ZMYM6: variants seen among roughly 807,000 people sequenced by gnomAD.
The protein encoded by ZMYM6 is zinc finger MYM-type protein 6.
A neutral mutation model predicts 134.0 loss-of-function variants in ZMYM6; 90 were observed. The observed-to-expected ratio is 0.67, with a 90% CI of 0.57 to 0.80. The LOEUF is 0.80. Among genes scored for constraint, ZMYM6 ranks in the 30% least tolerant of loss-of-function variants. The pLI is 0.00. For synonymous variants in ZMYM6, 481 were observed against 524.1 expected, an observed-to-expected ratio of 0.92 and a Z score of 1.12; for missense variants, 1,362 against 1,533.9, an observed-to-expected ratio of 0.89 and a Z score of 1.87.
intron 4 of ZMYM6, among the ~76,000 whole-genome samples, chr1:35,017,005 A>C (rs1048186926): frequency 8.4e-5 from 12 of 143,396 alleles, no homozygotes; most frequent in African/African-American, 3.0e-4. Context: ...ACCGTGTCTC[A>C]AAAAAAAAAA....
Position 34,997,555 on chromosome 1 carries a change from T to C in ZMYM6, c.1993-5168A>G, listed in dbSNP as rs533409767. On this transcript the variant is annotated intron_variant, in intron 14 of 15. Coordinates refer to ENST00000357182, the MANE Select transcript of ZMYM6 (RefSeq NM_007167.4). ...CCTGCCCTTAAGAGATTTGCCCACC[T>C]CGGCCTCCCAAAGTGTTGGGATTAC... 1.7e-3 allele frequency among the ~76,000 whole-genome samples: 262 copies of C among 152,270 alleles called. 1 individual carries two copies. Among genetic ancestry groups the C allele is most frequent in the South Asian group, 8.7e-3 (42 of 4,814 alleles).
intron 2 of ZMYM6, 101 bp from the exon 3 acceptor site, chr1:35,020,568 CTTT>C (rs942213398): frequency 0.01 from 2,443 of 240,556 alleles, no homozygotes; most frequent in South Asian, 0.025. Context: ...TATTCATCTC[CTTT>C]TTTTTTTTTT....
intron 2 of ZMYM6, among the ~76,000 whole-genome samples, chr1:35,028,531 A>G (rs529193745): frequency 2.2e-4 from 33 of 150,812 alleles, no homozygotes; most frequent in African/African-American, 7.8e-4. Context: ...ACGGAGTCTC[A>G]CTCTGTCACC....
In ZMYM6 at chr1:35,005,245, A is replaced by G; in HGVS notation, c.1841T>C (p.Val614Ala). 3 of 1,614,128 alleles carry G rather than the reference A, an allele frequency of 1.9e-6. No homozygotes were observed. The highest frequency in any genetic ancestry group is 2.5e-6 in the Non-Finnish European group (3 of 1,180,002). Reference sequence around the variant, plus strand: ...TGTCCTTGCAGAAGGGAGCTCCGTCACAGCAGTTTTTGCTTTAGAAATATT... The same window carrying G: ...TGTCCTTGCAGAAGGGAGCTCCGTCGCAGCAGTTTTTGCTTTAGAAATATT... ...KVNISKAKTA[V>A]TELPSARTDT... Residue 614 changes from valine (V) to alanine (A), a missense_variant, in exon 13 of 16, where the codon GTG (valine) becomes GCG (alanine). By Grantham distance (64) the Val-to-Ala change is moderately conservative. Transcript: ENST00000357182.
At position 35,018,370 on chromosome 1, in the gene ZMYM6, G is replaced by A. The variant is rs1641243415; in HGVS notation, c.428+983C>T. On this transcript the variant is annotated intron_variant, in intron 4 of 15. Transcript: ENST00000357182. ...TTACTTGGAAATTTCCATATAGCAG[G>A]ATCTACTTTTAAATAGTTTAAGTCA... The A allele has an allele frequency of 2.0e-5, 3 of 151,740 alleles. No individual in the cohort carries two copies. The South Asian group carries it at 6.2e-4, about 31-fold the overall frequency. The allele number at this position is 151,740 out of a possible 1,614,324, so 9.4% of individuals were successfully genotyped here. A position where few individuals can be genotyped will look rare whatever the true frequency, so the allele number is the denominator to read the frequency against.
intron 14 of ZMYM6, among the ~76,000 whole-genome samples, chr1:34,997,975 T>A (rs985974405): frequency 1.3e-5 from 2 of 152,128 alleles, no homozygotes; most frequent in African/African-American, 4.8e-5. Context: ...ATTACTAAAT[T>A]CCCACATTTT....
intron 13 of ZMYM6, among the ~76,000 whole-genome samples, chr1:35,004,596 A>G (rs58406450): frequency 0.24 from 35,858 of 151,440 alleles, 10,389 homozygotes; most frequent in African/African-American, 0.68. Context: ...GTGACACAGT[A>G]AGACTCCGTC....
rs1311580502 is a variant in ZMYM6, at chr1:35,007,051, G to A, written c.1713C>T (p.Ser571=). The A allele has an allele frequency of 6.2e-7, 1 of 1,611,154 alleles. No homozygotes were observed. Among genetic ancestry groups the A allele is most frequent in the Admixed American group, 1.7e-5 (1 of 59,598 alleles). ...GCKRQGKLSE[S]IKWRGNIKHF... ...GTTTAATGTTGCCTCGCCACTTTAT[G>A]GACTCGCTTAGTTTACCCTGTCGTT... The change falls in exon 12 of 16, where the codon TCC becomes TCT. Residue 571 remains serine (S), a synonymous_variant. Coordinates refer to ENST00000357182, the MANE Select transcript of ZMYM6 (RefSeq NM_007167.4).
At position 35,011,905 on chromosome 1, in the gene ZMYM6, A is replaced by G; in HGVS notation, c.1047T>C (p.Cys349=). The stretch of plus-strand genomic sequence containing the variant: ...TAGATCATACCTGGAAAGCAACCAC[A>G]CAACTGGAGCTGCAGAAGCTGTATA... ...GTIYSFCSSS[C]VVAFQNVFSK... Residue 349 remains cysteine, a synonymous_variant, in exon 8 of 16, where the codon TGT becomes TGC. Coordinates refer to ENST00000357182, the MANE Select transcript of ZMYM6 (RefSeq NM_007167.4). The G allele has an allele frequency of 6.2e-7, 1 of 1,602,054 alleles. No homozygotes were observed.
Position 34,987,642 on chromosome 1 carries a change from A to C in ZMYM6, c.3440T>G (p.Phe1147Cys). 3 of 1,574,678 alleles carry C rather than the reference A, an allele frequency of 1.9e-6. No homozygotes were observed. The highest frequency in any genetic ancestry group is 2.6e-6 in the Non-Finnish European group (3 of 1,158,874). Reference protein sequence around the residue: ...FFNLCNKIDVFKRKLKMWLKR... With the variant: ...FFNLCNKIDVCKRKLKMWLKR... ...CAACCACATTTTTAACTTTCTCTTA[A>C]ATACATCAATTTTATTACACAAATT... The change falls in exon 16 of 16, where the codon TTT becomes TGT. Residue 1147 changes from phenylalanine to cysteine, a missense_variant. Transcript: ENST00000357182.
chr1:35,030,590 T>G lies in ZMYM6; in HGVS notation c.50A>C (p.Gln17Pro). ...GECGKAVVPQQELLDKIKEEP... is the reference protein window; with the variant it reads ...GECGKAVVPQPELLDKIKEEP... Reference sequence around the variant, plus strand: ...TTCTTTAATTTTGTCCAGAAGCTCCTGCTGTGGTACCACTGCTTTGCCACA... The same window carrying G: ...TTCTTTAATTTTGTCCAGAAGCTCCGGCTGTGGTACCACTGCTTTGCCACA... The change falls in exon 2 of 16, where the codon CAG (glutamine) becomes CCG (proline). Residue 17 changes from glutamine to proline, a missense_variant. By Grantham distance (76) the Gln-to-Pro change is moderately conservative. Around this residue, in one of 3 missense-constraint regions of ZMYM6, gnomAD observed 503 missense variants for 520.8 expected, o/e 0.97. Coordinates refer to ENST00000357182, the MANE Select transcript of ZMYM6 (RefSeq NM_007167.4). The G allele has an allele frequency of 6.2e-7, 1 of 1,613,710 alleles. No individual in the cohort carries two copies. Among genetic ancestry groups the G allele is most frequent in the East Asian group, 2.2e-5 (1 of 44,884 alleles).
intron 15 of ZMYM6, chr1:34,989,284 T>C (rs1384466242): frequency 1.0e-6 from 1 of 1,003,842 alleles, no homozygotes; most frequent in East Asian, 1.1e-4. Context: ...ACACCTATAA[T>C]CCCAGTGCTT....
chr1:35,015,743 A>AAT (rs35800399), intron 4 of ZMYM6, among the ~76,000 whole-genome samples: 1,126 of 106,198 alleles, frequency 0.011, 18 homozygotes, highest in Admixed American at 0.012. Flanking sequence ...AAAAAAAAAA[A>AAT]ATATATATAT....
At chr1:35,004,058 A>G (rs1363941021) in intron 13 of ZMYM6, 53 bp from the exon 14 acceptor site, 4 of 1,480,192 alleles carry the variant, frequency 2.7e-6, no homozygotes, top group Non-Finnish European at 3.7e-6. Flanking sequence ...AGAAGTAAAC[A>G]CTGAAATCAA....
rs747226599 is a variant in ZMYM6 at position 35,010,818 on chromosome 1, T to A, written c.1281A>T (p.Lys427Asn). 3.8e-5 allele frequency: 61 copies of A among 1,604,324 alleles called. No individual in the cohort carries two copies. Among genetic ancestry groups the A allele is most frequent in the Non-Finnish European group, 5.0e-5 (59 of 1,176,980 alleles). ...GATGGTTACAGTGCTGACACTTGAG[T>A]TTAACAACTGTATGGGTTAAAGCAA... ...QQVALTHTVV[K>N]LKCQHCNHLF... The change falls in exon 9 of 16, where the codon AAA (lysine) becomes AAT (asparagine). Residue 427 changes from lysine (K) to asparagine (N), a missense_variant. Lys to Asn is a moderately conservative substitution (Grantham distance 94, BLOSUM62 0). This residue lies in a region of ZMYM6 where 503 missense variants were observed against 520.8 expected (regional missense o/e 0.97). Transcript: ENST00000357182.
intron 2 of ZMYM6, among the ~76,000 whole-genome samples, chr1:35,026,329 T>C (rs1641414995): frequency 6.6e-6 from 1 of 152,200 alleles, no homozygotes; most frequent in African/African-American, 2.4e-5. Context: ...CCTTCAACTA[T>C]AATTTTAATA....
Position 34,992,479 on chromosome 1 carries a change from T to C in ZMYM6, c.1993-92A>G, listed in dbSNP as rs1640694790. 8 of 1,339,916 alleles carry C rather than the reference T, an allele frequency of 6.0e-6. No individual in the cohort carries two copies. The East Asian group carries it at 2.0e-4, about 33-fold the overall frequency. The allele number at this position is 1,339,916 out of a possible 1,614,324, so 83.0% of individuals were successfully genotyped here. ...GCTATCAATTGAAAGTTCATATACATCAAGAGAAATATAATTCCTCTGAAA... is the reference window on the plus strand; with the variant it reads ...GCTATCAATTGAAAGTTCATATACACCAAGAGAAATATAATTCCTCTGAAA... On this transcript the variant is annotated intron_variant, in intron 14 of 15. Coordinates refer to ENST00000357182, the MANE Select transcript of ZMYM6 (RefSeq NM_007167.4).
chr1:34,999,502 T>C (rs1488065094), intron 14 of ZMYM6, among the ~76,000 whole-genome samples: 12 of 152,182 alleles, frequency 7.9e-5, no homozygotes. Context: ...CTGCATATTT[T>C]TGTGTTGATG....
At chr1:35,028,735 G>A (rs1203554584) in intron 2 of ZMYM6, among the ~76,000 whole-genome samples, 5 of 151,832 alleles carry the variant, frequency 3.3e-5, no homozygotes, top group Middle Eastern at 6.8e-3. Flanking sequence ...TCCTGACCTC[G>A]TGATCTGCCT....
Sources: allele counts gnomAD v4.1 joint callset (sites outside exome capture counted in the v4.1 genomes callset), GRCh38; gene constraint gnomAD v4.1.1; regional missense constraint gnomAD v4.1.1; transcripts MANE v1.5; gene names NCBI Gene and HGNC (gene_info 2026-07-23, HGNC 2026-07-21).